SIMC1: variants seen among roughly 807,000 people sequenced by gnomAD.
The protein encoded by SIMC1 is SUMO interacting motifs containing 1.
In SIMC1, 55 loss-of-function variants were observed where a neutral mutation model predicts 82.3. The observed-to-expected ratio is 0.67, with a 90% CI of 0.54 to 0.84. SIMC1 has a LOEUF of 0.84. Ranked by LOEUF, SIMC1 falls within the 40% of genes least tolerant of loss-of-function variation. The probability of loss-of-function intolerance (pLI) is 0.00; values close to 1 mark genes in which losing one functional copy is unlikely to be tolerated. For synonymous variants in SIMC1, 353 were observed against 426.3 expected (o/e 0.83, Z 2.12); for missense variants, 915 against 1,107.2 (o/e 0.83, Z 2.46).
At chr5:176,313,637 C>G in intron 4 of SIMC1, 54 bp from the exon 5 acceptor site, 1 of 1,603,010 alleles carries the variant, frequency 6.2e-7, no homozygotes, top group East Asian at 2.2e-5. Flanking sequence ...CCAATGTTGA[C>G]TGTCATCCAA....
At chr5:176,309,632 A>G (rs1269851783) in intron 4 of SIMC1, among the ~76,000 whole-genome samples, 2 of 152,248 alleles carry the variant, frequency 1.3e-5, no homozygotes, top group African/African-American at 4.8e-5. Flanking sequence ...GAATATTTAA[A>G]GTGTGCTAAA....
rs1280903250 is a variant in SIMC1, at chr5:176,305,596, C to T, written c.1735-8095C>T. On this transcript the variant is annotated intron_variant, in intron 4 of 9. Coordinates refer to ENST00000429602, the MANE Select transcript of SIMC1 (RefSeq NM_001308195.2). ...GAGGGAGGTGGGGGGGTCAGCCCTC[C>T]GCCCGGCCAACCCCCCCGTCTGGGA... Among the ~76,000 whole-genome samples the T allele has an allele frequency of 8.9e-4, 128 of 144,322 alleles. No homozygotes were observed. The South Asian group carries it at 0.02, about 23-fold the overall frequency. The allele number at this position is 144,322 out of a possible 152,430, so 94.7% of individuals were successfully genotyped here. A position where few individuals can be genotyped will look rare whatever the true frequency, so the allele number is the denominator to read the frequency against.
intron 7 of SIMC1, among the ~76,000 whole-genome samples, chr5:176,330,516 T>C (rs926886527): frequency 2.0e-5 from 3 of 151,994 alleles, no homozygotes; most frequent in Non-Finnish European, 2.9e-5. Context: ...TAAGGAAATA[T>C]TCAAAGACTA....
Position 176,243,645 on chromosome 5 carries a change from C to T in SIMC1, c.129+5008C>T, listed in dbSNP as rs1761341774. 2.0e-5 allele frequency among the ~76,000 whole-genome samples: 3 copies of T among 152,038 alleles called. 1 individual carries two copies. In the South Asian group the frequency reaches 6.2e-4, roughly 32 times the overall value. Reference sequence around the variant, plus strand: ...CAAGCAATTTCCCCCACCTCAGCCTCCCGAGTAGCCGGGACTACAAGCACA... The same window carrying T: ...CAAGCAATTTCCCCCACCTCAGCCTTCCGAGTAGCCGGGACTACAAGCACA... On this transcript the variant is annotated intron_variant, in intron 1 of 9. Coordinates refer to ENST00000429602, the MANE Select transcript of SIMC1 (RefSeq NM_001308195.2).
chr5:176,254,269 C>G (rs1237994469), intron 1 of SIMC1, among the ~76,000 whole-genome samples: 3 of 152,022 alleles, frequency 2.0e-5, no homozygotes, highest in African/African-American at 7.3e-5. Context: ...GTTATCCTGC[C>G]AAGTGAAAAA....
chr5:176,256,246 CAAGAA>C (rs1055363924), intron 1 of SIMC1, among the ~76,000 whole-genome samples: 52 of 152,120 alleles, frequency 3.4e-4, no homozygotes, highest in Non-Finnish European at 8.8e-5. Context: ...ATCAATACTT[CAAGAA>C]AACATTGTTC....
chr5:176,247,401 G>A (rs1455362647), intron 1 of SIMC1, among the ~76,000 whole-genome samples: 1 of 152,092 alleles, frequency 6.6e-6, no homozygotes, highest in Non-Finnish European at 1.5e-5. Context: ...CCGCGTAAAT[G>A]TCTTCTTTTA....
chr5:176,304,805 T>C (rs1482810139), intron 4 of SIMC1, among the ~76,000 whole-genome samples: 13 of 146,228 alleles, frequency 8.9e-5, no homozygotes, highest in Admixed American at 1.4e-4. Context: ...GGCTGCCCAT[T>C]GTCTGAGATG....
chr5:176,301,665 A>G (rs1427542515), intron 4 of SIMC1, among the ~76,000 whole-genome samples: 1 of 152,008 alleles, frequency 6.6e-6, no homozygotes, highest in Non-Finnish European at 1.5e-5. Context: ...TGAAATCTCA[A>G]CTACTGAGGA....
At chr5:176,340,705 G>C (rs1244258651) in intron 9 of SIMC1, among the ~76,000 whole-genome samples, 4 of 152,210 alleles carry the variant, frequency 2.6e-5, no homozygotes, top group African/African-American at 9.7e-5. Flanking sequence ...AGAGCTTACT[G>C]TTTAGTGGAG....
intron 4 of SIMC1, among the ~76,000 whole-genome samples, chr5:176,305,642 G>A (rs1455040346): frequency 2.4e-5 from 3 of 126,528 alleles, no homozygotes; most frequent in African/African-American, 6.3e-5. Flanking sequence ...GCCTCTGCCC[G>A]GCTGCCCCTA....
chr5:176,314,042 G>T (rs891399063), intron 5 of SIMC1, among the ~76,000 whole-genome samples, 197 bp downstream of exon 5: 1 of 152,104 alleles, frequency 6.6e-6, no homozygotes, highest in African/African-American at 2.4e-5. Context: ...CGAGGTGGGC[G>T]GATCATTTGA....
intron 9 of SIMC1, among the ~76,000 whole-genome samples, chr5:176,338,795 TAA>T (rs70991537): frequency 1.8e-3 from 270 of 146,880 alleles, no homozygotes; most frequent in East Asian, 2.6e-3. Flanking sequence ...GTAGAGACTT[TAA>T]AAAAAAAAAA....
At chr5:176,322,584 G>T in intron 6 of SIMC1, 159 bp downstream of exon 6, 1 of 926,962 alleles carries the variant, frequency 1.1e-6, no homozygotes, top group Non-Finnish European at 1.5e-6. Flanking sequence ...CTAAATTTCT[G>T]ATTTCAAAGG....
intron 7 of SIMC1, among the ~76,000 whole-genome samples, chr5:176,334,263 T>C (rs1433700899): frequency 6.6e-6 from 1 of 152,216 alleles, no homozygotes; most frequent in African/African-American, 2.4e-5. Context: ...GATTTTGCTC[T>C]CTTTCTTTAA....
intron 9 of SIMC1, 99 bp downstream of exon 9, chr5:176,337,245 C>A: frequency 9.5e-7 from 1 of 1,054,966 alleles, no homozygotes; most frequent in Non-Finnish European, 1.4e-6. Flanking sequence ...TGACATTGTT[C>A]CTTGGTTGTA....
At chr5:176,324,792 T>TAAA in intron 7 of SIMC1, 35 bp downstream of exon 7, 1 of 1,356,012 alleles carries the variant, frequency 7.4e-7, no homozygotes, top group Admixed American at 2.9e-5. Flanking sequence ...AGCAGTTATT[T>TAAA]AAAAAAAAAA....
At chr5:176,322,612 C>T (rs1765215452) in intron 6 of SIMC1, 187 bp downstream of exon 6, 1 of 670,382 alleles carries the variant, frequency 1.5e-6, no homozygotes, top group East Asian at 2.8e-5. Flanking sequence ...AAACCAGGTG[C>T]TTTCACCCCT....
chr5:176,266,487 T>G (rs1240192713), intron 1 of SIMC1, among the ~76,000 whole-genome samples: 1 of 151,394 alleles, frequency 6.6e-6, no homozygotes, highest in African/African-American at 2.4e-5. Flanking sequence ...AACAAAGATA[T>G]CAGTACCTAT....
Sources: gnomAD v4.1 joint callset for allele counts (sites outside exome capture counted in the v4.1 genomes callset) on GRCh38, gnomAD v4.1.1 for gene constraint, MANE v1.5 for transcripts, NCBI Gene and HGNC (gene_info 2026-07-23, HGNC 2026-07-21) for gene names.